Variants in MAP3K9 observed in about 807,000 individuals in gnomAD.
MAP3K9 encodes mitogen-activated protein kinase kinase kinase 9.
Under a neutral mutation model 95.8 loss-of-function variants are expected in MAP3K9, and 46 were observed. The ratio of observed to expected loss-of-function variants is 0.48; its 90% CI spans 0.38 to 0.61. MAP3K9 has a LOEUF of 0.61. Among genes scored for constraint, MAP3K9 ranks in the 20% least tolerant of loss-of-function variants. The pLI, the probability that MAP3K9 is intolerant of heterozygous loss-of-function variation, is 0.00. For synonymous variants in MAP3K9, 533 were observed against 593.8 expected, an observed-to-expected ratio of 0.90 and a Z score of 1.49; for missense variants, 1,296 against 1,474.3, an observed-to-expected ratio of 0.88 and a Z score of 1.98.
intron 5 of MAP3K9, among the ~76,000 whole-genome samples, chr14:70,746,097 T>C (rs2269946): frequency 0.042 from 6,348 of 152,260 alleles, 136 homozygotes; most frequent in East Asian, 0.094. Flanking sequence ...TCCTGGTTGG[T>C]TGATTTTGCT....
intron 2 of MAP3K9, among the ~76,000 whole-genome samples, chr14:70,763,885 A>G (rs1287474818): frequency 6.6e-6 from 1 of 151,574 alleles, no homozygotes; most frequent in African/African-American, 2.4e-5. Flanking sequence ...CTACTTATGT[A>G]AAAAAAAGTT....
chr14:70,763,694 CTAAT>C (rs1449268221), intron 2 of MAP3K9, among the ~76,000 whole-genome samples: 2 of 151,974 alleles, frequency 1.3e-5, no homozygotes, highest in Non-Finnish European at 2.9e-5. Flanking sequence ...CCACACCCAA[CTAAT>C]TATTTTAGTT....
At chr14:70,764,823 G>A (rs1429574821) in intron 2 of MAP3K9, among the ~76,000 whole-genome samples, 1 of 151,766 alleles carries the variant, frequency 6.6e-6, no homozygotes, top group Non-Finnish European at 1.5e-5. Context: ...CAGAGTGAGT[G>A]AGACCTCTCT....
At chr14:70,761,636 C>T (rs750100061) in intron 2 of MAP3K9, among the ~76,000 whole-genome samples, 1 of 152,150 alleles carries the variant, frequency 6.6e-6, no homozygotes, top group Non-Finnish European at 1.5e-5. Flanking sequence ...TGGTAGTGCA[C>T]GCCAGTGACT....
At chr14:70,756,340 G>C (rs2054298662) in intron 3 of MAP3K9, among the ~76,000 whole-genome samples, 1 of 152,200 alleles carries the variant, frequency 6.6e-6, no homozygotes, top group African/African-American at 2.4e-5. Flanking sequence ...GCTGGGAGAA[G>C]AAACCTAGTG....
intron 3 of MAP3K9, among the ~76,000 whole-genome samples, chr14:70,751,305 A>T (rs2054224264): frequency 6.6e-6 from 1 of 152,274 alleles, no homozygotes; most frequent in Non-Finnish European, 1.5e-5. Flanking sequence ...AAGTCAGGAC[A>T]AGAAACCATA....
At chr14:70,783,844 T>C (rs1401479251) in intron 2 of MAP3K9, among the ~76,000 whole-genome samples, 1 of 152,230 alleles carries the variant, frequency 6.6e-6, no homozygotes, top group African/African-American at 2.4e-5. Context: ...GGCATCTGAA[T>C]AACCACACAG....
intron 2 of MAP3K9, among the ~76,000 whole-genome samples, chr14:70,799,497 G>C (rs1017979892): frequency 3.3e-5 from 5 of 152,040 alleles, no homozygotes; most frequent in Non-Finnish European, 7.4e-5. Flanking sequence ...CCGCCACCAT[G>C]TCCGGCTAAT....
chr14:70,771,592 G>A (rs1268252633), intron 2 of MAP3K9, among the ~76,000 whole-genome samples: 1 of 152,090 alleles, frequency 6.6e-6, no homozygotes, highest in Non-Finnish European at 1.5e-5. Context: ...CTCCACCACT[G>A]TGTGACCTTC....
chr14:70,797,564 C>T (rs2139853773), intron 2 of MAP3K9, among the ~76,000 whole-genome samples: 1 of 152,086 alleles, frequency 6.6e-6, no homozygotes, highest in Admixed American at 6.5e-5. Flanking sequence ...ATGGCGAAAC[C>T]CCACCTCTAC....
intron 2 of MAP3K9, among the ~76,000 whole-genome samples, chr14:70,798,632 C>T (rs1024882453): frequency 3.3e-5 from 5 of 151,204 alleles, no homozygotes; most frequent in Admixed American, 3.3e-4. Context: ...GCACCCGCCA[C>T]TACGCCCGGC....
chr14:70,774,983 C>CAAAAAAAAAAAAAAAAAAAAAAA (rs60144338), intron 2 of MAP3K9, among the ~76,000 whole-genome samples: 23 of 55,114 alleles, frequency 4.2e-4, no homozygotes, highest in East Asian at 7.5e-4. Context: ...ACTCTGTCCC[C>CAAAAAAAAAAAAAAAAAAAAAAA]AAAAAAAAAA....
rs756368396 is a variant in MAP3K9 at position 70,730,412 on chromosome 14, G to C, written c.3283C>G (p.Pro1095Ala). 5 of 1,613,436 alleles carry C rather than the reference G, an allele frequency of 3.1e-6. No homozygotes were observed. In the South Asian group the frequency reaches 4.4e-5, roughly 14 times the overall value. Reference sequence around the variant, plus strand: ...CAGAACTCCTGCTGGATCTCATAAGGGGCAGGCCTGTGTGTGTTCAGTTCC... The same window carrying C: ...CAGAACTCCTGCTGGATCTCATAAGCGGCAGGCCTGTGTGTGTTCAGTTCC... ...RAELNTHRPAPYEIQQEFWS is the reference protein window; with the variant it reads ...RAELNTHRPAAYEIQQEFWS Residue 1095 changes from proline (P) to alanine (A), a missense_variant, in exon 12 of 12, where the codon CCT becomes GCT. By Grantham distance (27) the Pro-to-Ala change is conservative. Coordinates refer to ENST00000554752, the MANE Select transcript of MAP3K9 (RefSeq NM_001284230.2).
intron 2 of MAP3K9, among the ~76,000 whole-genome samples, chr14:70,777,431 T>C (rs538884881): frequency 1.2e-4 from 18 of 152,200 alleles, no homozygotes; most frequent in African/African-American, 4.1e-4. Flanking sequence ...CCAGCAACCA[T>C]AGTCAGCCAA....
At chr14:70,804,254 T>C (rs963001699) in intron 1 of MAP3K9, among the ~76,000 whole-genome samples, 1 of 152,236 alleles carries the variant, frequency 6.6e-6, no homozygotes, top group African/African-American at 2.4e-5. Flanking sequence ...CCAACAATTC[T>C]GCAAGCACAG....
At chr14:70,797,457 G>C (rs1403681794) in intron 2 of MAP3K9, among the ~76,000 whole-genome samples, 23 of 151,732 alleles carry the variant, frequency 1.5e-4, no homozygotes, top group Non-Finnish European at 4.4e-5. Context: ...TTAAAAAAAG[G>C]CTTGGTGCAC....
In MAP3K9 at chr14:70,740,098, C is replaced by G; in HGVS notation, c.1634G>C (p.Ser545Thr). The G allele has an allele frequency of 1.9e-6, 3 of 1,614,146 alleles. No individual in the cohort carries two copies. The highest frequency in any genetic ancestry group is 2.5e-6 in the Non-Finnish European group (3 of 1,180,018). ...GGGGCTTGCAGGAGGACTGGAGCGG[C>G]TGTTGATAAGACTCTTCCTTTTATC... Reference protein sequence around the residue: ...TMDKRKSLINSRSSPPASPTI... With the variant: ...TMDKRKSLINTRSSPPASPTI... The change falls in exon 7 of 12, where the codon AGC (serine) becomes ACC (threonine). Residue 545 changes from serine to threonine, a missense_variant. Coordinates refer to ENST00000554752, the MANE Select transcript of MAP3K9 (RefSeq NM_001284230.2).
intron 2 of MAP3K9, among the ~76,000 whole-genome samples, chr14:70,788,968 A>G (rs541037076): frequency 1.3e-5 from 2 of 152,350 alleles, no homozygotes; most frequent in South Asian, 4.1e-4. Context: ...GATGTGAAAA[A>G]AGCAGACTAA....
At chr14:70,780,854 A>C (rs941110102) in intron 2 of MAP3K9, among the ~76,000 whole-genome samples, 4 of 152,254 alleles carry the variant, frequency 2.6e-5, no homozygotes, top group Non-Finnish European at 4.4e-5. Context: ...TAACCAAAAA[A>C]GAGGAAGCCT....
Sources: allele counts gnomAD v4.1 joint callset (sites outside exome capture counted in the v4.1 genomes callset), GRCh38; gene constraint gnomAD v4.1.1; transcripts MANE v1.5; gene names NCBI Gene and HGNC (gene_info 2026-07-23, HGNC 2026-07-21).